The following MICU1 variants were observed in gnomAD, a reference collection of about 807,000 sequenced individuals.
MICU1 encodes the protein mitochondrial calcium uptake 1, also known as calcium uptake protein 1, mitochondrial.
In MICU1, 45 loss-of-function variants were observed where a neutral mutation model predicts 56.8. The observed-to-expected ratio is 0.79, with a 90% confidence interval of 0.62 to 1.02. The LOEUF is 1.02. Among genes scored for constraint, MICU1 ranks in the 50% least tolerant of loss-of-function variants. The probability of loss-of-function intolerance (pLI) is 0.00; values close to 1 mark genes in which losing one functional copy is unlikely to be tolerated. For synonymous variants in MICU1, 186 were observed against 195.1 expected (o/e 0.95, Z 0.39); for missense variants, 504 against 587.1 (o/e 0.86, Z 1.46).
intron 1 of MICU1, among the ~76,000 whole-genome samples, chr10:72,621,071 T>C (rs908480534): frequency 1.3e-5 from 2 of 151,964 alleles, no homozygotes; most frequent in Non-Finnish European, 2.9e-5. Context: ...GAAAAAAAAA[T>C]TGTTTTAATG....
At chr10:72,435,711 T>C (rs1173016842) in intron 8 of MICU1, among the ~76,000 whole-genome samples, 1 of 152,210 alleles carries the variant, frequency 6.6e-6, no homozygotes, top group Non-Finnish European at 1.5e-5. Flanking sequence ...CCCAAGGTGT[T>C]AGCAACTGGC....
At chr10:72,609,952 T>C (rs1841798462) in intron 1 of MICU1, among the ~76,000 whole-genome samples, 1 of 150,174 alleles carries the variant, frequency 6.7e-6, no homozygotes, top group Admixed American at 6.7e-5. Context: ...GAGAGTTGCT[T>C]AAACCTGGAG....
intron 3 of MICU1, among the ~76,000 whole-genome samples, chr10:72,557,036 A>T (rs1229584822): frequency 6.6e-6 from 1 of 152,136 alleles, no homozygotes; most frequent in Non-Finnish European, 1.5e-5. Context: ...ACTGCACTCT[A>T]GCCTGGGTGA....
chr10:72,515,073 C>G (rs1867604206), intron 5 of MICU1, among the ~76,000 whole-genome samples: 1 of 152,174 alleles, frequency 6.6e-6, no homozygotes, highest in Admixed American at 6.6e-5. Context: ...GGTTGATGCC[C>G]ACATCCAGAG....
chr10:72,619,730 A>AGGTTCTAC (rs1442794070), intron 1 of MICU1, among the ~76,000 whole-genome samples: 1 of 152,218 alleles, frequency 6.6e-6, no homozygotes, highest in Non-Finnish European at 1.5e-5. Context: ...GGGTAGAGGG[A>AGGTTCTAC]GGTTCTACAT....
At chr10:72,522,963 G>A (rs886734771) in intron 5 of MICU1, among the ~76,000 whole-genome samples, 1 of 152,110 alleles carries the variant, frequency 6.6e-6, no homozygotes, top group African/African-American at 2.4e-5. Context: ...ATGCAGAAAA[G>A]CTTGATTTTG....
chr10:72,603,765 T>C (rs976776086), intron 1 of MICU1, among the ~76,000 whole-genome samples: 1 of 151,938 alleles, frequency 6.6e-6, no homozygotes, highest in African/African-American at 2.4e-5. Context: ...AATCATGCCA[T>C]TGCACTCCAG....
At chr10:72,411,253 C>A (rs997349270) in intron 9 of MICU1, among the ~76,000 whole-genome samples, 5 of 151,826 alleles carry the variant, frequency 3.3e-5, no homozygotes, top group African/African-American at 7.3e-5. Flanking sequence ...GGAAGGTGAA[C>A]GGGTTCTGGA....
chr10:72,378,753 C>T (rs554477622), intron 10 of MICU1, among the ~76,000 whole-genome samples: 1 of 152,176 alleles, frequency 6.6e-6, no homozygotes, highest in Admixed American at 6.5e-5. Flanking sequence ...CTGGCCCCAC[C>T]ACCAACGTGC....
At chr10:72,571,713 C>T (rs1168752778) in intron 1 of MICU1, among the ~76,000 whole-genome samples, 1 of 151,870 alleles carries the variant, frequency 6.6e-6, no homozygotes, top group African/African-American at 2.4e-5. Context: ...GTGATGAGTG[C>T]CTAGATTATA....
intron 1 of MICU1, among the ~76,000 whole-genome samples, chr10:72,623,208 T>C (rs1371797703): frequency 1.4e-5 from 2 of 145,916 alleles, no homozygotes; most frequent in African/African-American, 2.5e-5. Context: ...GAGGCAGAGG[T>C]TGCAGTGAGC....
At chr10:72,543,577 C>T (rs144750889) in intron 4 of MICU1, among the ~76,000 whole-genome samples, 61 of 152,210 alleles carry the variant, frequency 4.0e-4, no homozygotes, top group Middle Eastern at 3.4e-3. Context: ...TACTTAGGGA[C>T]GAACGTGGTG....
intron 5 of MICU1, among the ~76,000 whole-genome samples, chr10:72,517,425 TGGAATACTACTCAGCCATA>T (rs67156352): frequency 0.47 from 71,247 of 152,072 alleles, 20,413 homozygotes; most frequent in Non-Finnish European, 0.67. Context: ...ATGCATACGA[TGGAATACTACTCAGCCATA>T]AAAAGGAACG....
chr10:72,458,006 T>C (rs1207978611), intron 8 of MICU1, among the ~76,000 whole-genome samples: 1 of 151,744 alleles, frequency 6.6e-6, no homozygotes, highest in Admixed American at 6.6e-5. Context: ...CTGTCTCTAC[T>C]AAAAATAAAA....
intron 8 of MICU1, among the ~76,000 whole-genome samples, chr10:72,448,546 T>C (rs1177913393): frequency 3.3e-5 from 5 of 151,998 alleles, no homozygotes; most frequent in Admixed American, 1.3e-4. Flanking sequence ...GAGCTAGAGA[T>C]TGGAACACAA....
intron 4 of MICU1, among the ~76,000 whole-genome samples, chr10:72,539,423 T>C (rs914487738): frequency 2.6e-5 from 4 of 152,004 alleles, no homozygotes; most frequent in Admixed American, 2.6e-4. Flanking sequence ...TAACTAGAAA[T>C]AAATAACAGG....
chr10:72,462,000 T>G (rs535041389), intron 8 of MICU1, among the ~76,000 whole-genome samples: 7 of 152,144 alleles, frequency 4.6e-5, no homozygotes, highest in Non-Finnish European at 1.0e-4. Flanking sequence ...CTGCCTGGAA[T>G]CAAATCTCAG....
chr10:72,483,459 A>C lies in MICU1; in HGVS notation c.653-6203T>G, dbSNP rs570181807. 3 of 153,298 alleles carry C rather than the reference A, an allele frequency of 2.0e-5. No individual in the cohort carries two copies. The East Asian group carries it at 5.8e-4, about 29-fold the overall frequency. The allele number at this position is 153,298 out of a possible 1,614,324, so 9.5% of individuals were successfully genotyped here. On this transcript the variant is annotated intron_variant, in intron 6 of 11. Coordinates refer to ENST00000361114, the MANE Select transcript of MICU1 (RefSeq NM_001195518.2). ...AGGTCAACTGCACCTAGAATGCTTC[A>C]TCCCAATGCTGCTTGCTCTCCAAGC...
rs186538312 is a variant in MICU1 at position 72,619,772 on chromosome 10, G to A, written c.-2+6238C>T. On this transcript the variant is annotated intron_variant, in intron 1 of 11. Transcript: ENST00000361114. The stretch of plus-strand genomic sequence containing the variant: ...CAATAATTCATTAATCTAGTTTAAC[G>A]ATGAACGGCAGCTCACCAGTTGGGA... Among the ~76,000 whole-genome samples, 5 of 152,278 alleles carry A rather than the reference G, an allele frequency of 3.3e-5. No homozygotes were observed. In the East Asian group the frequency reaches 5.8e-4, roughly 18 times the overall value.
Sources: gnomAD v4.1 joint callset for allele counts (sites outside exome capture counted in the v4.1 genomes callset) on GRCh38, gnomAD v4.1.1 for gene constraint, MANE v1.5 for transcripts, NCBI Gene and HGNC (gene_info 2026-07-23, HGNC 2026-07-21) for gene names.